Variants in CDH13 observed in about 807,000 individuals in gnomAD.
CDH13 encodes cadherin 13.
CDH13 carries 24 observed loss-of-function variants against 63.8 expected under a neutral mutation model. The ratio of observed to expected loss-of-function variants is 0.38; its 90% CI spans 0.27 to 0.53. The LOEUF is 0.53. Among genes scored for constraint, CDH13 ranks in the 20% least tolerant of loss-of-function variants. CDH13 has a pLI of 0.85. For synonymous variants in CDH13, 503 were observed against 355.3 expected (o/e 1.42, Z -4.67); for missense variants, 1,049 against 903.1 (o/e 1.16, Z -2.07).
chr16:82,860,072 T>C (rs550253898), intron 2 of CDH13, among the ~76,000 whole-genome samples: 1 of 152,152 alleles, frequency 6.6e-6, no homozygotes, highest in Non-Finnish European at 1.5e-5. Flanking sequence ...AAACAGAACT[T>C]GATTTGTGAG....
intron 1 of CDH13, among the ~76,000 whole-genome samples, chr16:82,788,939 C>T (rs1597585409): frequency 6.6e-6 from 1 of 152,308 alleles, no homozygotes; most frequent in African/African-American, 2.4e-5. Flanking sequence ...GACTTGGGCA[C>T]AGGTAGAGGT....
chr16:83,216,427 T>TATATATATATATATATATATAAAA (rs71148821), intron 4 of CDH13, among the ~76,000 whole-genome samples: 5 of 45,068 alleles, frequency 1.1e-4, no homozygotes, highest in South Asian at 2.1e-3. Context: ...TATATATATA[T>TATATATATATATATATATATAAAA]ATATATATAT....
In CDH13 at chr16:82,958,588, A is replaced by G. The variant is rs1906477156; in HGVS notation, c.158-73422A>G. ...AATGAGTAAAACGTTAGGCATGGTC[A>G]ATTTGAGTGGTCAAGGGATTCACCA... On this transcript the variant is annotated intron_variant, in intron 2 of 13. Transcript: ENST00000567109. Among the ~76,000 whole-genome samples, 5 of 152,364 alleles carry G rather than the reference A, an allele frequency of 3.3e-5. No individual in the cohort carries two copies. In the South Asian group the frequency reaches 1.0e-3, roughly 32 times the overall value.
At chr16:83,045,446 G>C (rs879851630) in intron 3 of CDH13, among the ~76,000 whole-genome samples, 1 of 151,908 alleles carries the variant, frequency 6.6e-6, no homozygotes, top group Non-Finnish European at 1.5e-5. Context: ...AGACCAGCCT[G>C]GCCAAGATGG....
chr16:83,441,052 A>T (rs1235447910), intron 6 of CDH13, among the ~76,000 whole-genome samples: 4 of 152,214 alleles, frequency 2.6e-5, no homozygotes, highest in Admixed American at 6.5e-5. Flanking sequence ...AGATTTTATT[A>T]TCTGTTCTTT....
chr16:83,132,430 C>T lies in CDH13; in HGVS notation c.483+6929C>T, dbSNP rs368355942. Among the ~76,000 whole-genome samples the T allele has an allele frequency of 1.2e-3, 135 of 110,770 alleles. 1 individual carries two copies. Among genetic ancestry groups the T allele is most frequent in the African/African-American group, 4.3e-3 (130 of 30,384 alleles). 72.7% of individuals were successfully genotyped at this position (110,770 alleles called of 152,430 possible). On this transcript the variant is annotated intron_variant, in intron 4 of 13. Transcript: ENST00000567109. ...TTACATCTGCTTAATTTCTACCCCCCACCCACCCCCCAACACCCCCCCCTT... is the reference window on the plus strand; with the variant it reads ...TTACATCTGCTTAATTTCTACCCCCTACCCACCCCCCAACACCCCCCCCTT...
At chr16:83,738,201 G>A (rs1329796857) in intron 10 of CDH13, among the ~76,000 whole-genome samples, 1 of 152,158 alleles carries the variant, frequency 6.6e-6, no homozygotes, top group African/African-American at 2.4e-5. Context: ...TCTCCCTGCT[G>A]GAGTGTAAGT....
intron 11 of CDH13, among the ~76,000 whole-genome samples, chr16:83,752,242 G>C (rs923963788): frequency 1.5e-4 from 23 of 152,262 alleles, no homozygotes; most frequent in African/African-American, 5.5e-4. Context: ...AATTTTTTGT[G>C]CAATTATAAA....
chr16:82,962,071 C>A (rs568009443), intron 2 of CDH13, among the ~76,000 whole-genome samples: 2 of 152,298 alleles, frequency 1.3e-5, no homozygotes, highest in Admixed American at 6.5e-5. Flanking sequence ...CATGTCAAAT[C>A]CCAGGAGCCA....
chr16:82,850,725 G>A (rs563479409), intron 1 of CDH13, among the ~76,000 whole-genome samples: 1 of 152,144 alleles, frequency 6.6e-6, no homozygotes, highest in African/African-American at 2.4e-5. Context: ...AATTGCCACA[G>A]CCTCCCCAAC....
intron 7 of CDH13, among the ~76,000 whole-genome samples, chr16:83,571,760 G>A (rs1225034710): frequency 1.3e-5 from 2 of 152,090 alleles, no homozygotes; most frequent in Non-Finnish European, 1.5e-5. Flanking sequence ...TTCCCAAACT[G>A]CATTTTCTTT....
At chr16:83,727,444 C>A (rs1427583877) in intron 10 of CDH13, among the ~76,000 whole-genome samples, 1 of 151,396 alleles carries the variant, frequency 6.6e-6, no homozygotes, top group Non-Finnish European at 1.5e-5. Flanking sequence ...CACCCTTTGC[C>A]CCATCACCGA....
chr16:83,202,332 T>C (rs972308630), intron 4 of CDH13, among the ~76,000 whole-genome samples: 4 of 152,174 alleles, frequency 2.6e-5, no homozygotes, highest in African/African-American at 9.7e-5. Context: ...CAAAAGTTGA[T>C]GCTGAAGACA....
At chr16:82,893,998 C>G (rs1419229390) in intron 2 of CDH13, among the ~76,000 whole-genome samples, 1 of 151,590 alleles carries the variant, frequency 6.6e-6, no homozygotes, top group Admixed American at 6.6e-5. Flanking sequence ...AGCCACTATC[C>G]TGTTTTATTT....
intron 6 of CDH13, among the ~76,000 whole-genome samples, chr16:83,357,912 C>T (rs993948608): frequency 1.3e-5 from 2 of 152,206 alleles, no homozygotes; most frequent in East Asian, 3.9e-4. Context: ...GAGCATTTTG[C>T]GAGTGGGAGA....
chr16:82,983,346 G>T (rs1910530960), intron 2 of CDH13, among the ~76,000 whole-genome samples: 1 of 152,106 alleles, frequency 6.6e-6, no homozygotes, highest in Non-Finnish European at 1.5e-5. Context: ...TCACCCGGCT[G>T]TTTCCCCTAA....
At chr16:83,444,071 A>G (rs116187450) in intron 6 of CDH13, among the ~76,000 whole-genome samples, 2,984 of 147,462 alleles carry the variant, frequency 0.02, 93 homozygotes, top group African/African-American at 0.03. Flanking sequence ...TGTGATGATC[A>G]TCATGGCAAA....
At chr16:83,414,628 A>G (rs1434551974) in intron 6 of CDH13, among the ~76,000 whole-genome samples, 1 of 152,152 alleles carries the variant, frequency 6.6e-6, no homozygotes, top group African/African-American at 2.4e-5. Context: ...TTTGGGTTAT[A>G]TGACTATTTT....
At chr16:82,715,974 C>A (rs569731301) in intron 1 of CDH13, among the ~76,000 whole-genome samples, 12 of 152,228 alleles carry the variant, frequency 7.9e-5, no homozygotes, top group Non-Finnish European at 1.6e-4. Context: ...TGTGTCACTA[C>A]TGGGTGTTGA....
Sources: gnomAD v4.1 joint callset for allele counts (sites outside exome capture counted in the v4.1 genomes callset) on GRCh38, gnomAD v4.1.1 for gene constraint, MANE v1.5 for transcripts, NCBI Gene and HGNC (gene_info 2026-07-23, HGNC 2026-07-21) for gene names.